Variants in NUMB observed in about 807,000 individuals in gnomAD.
The protein encoded by NUMB is protein numb homolog.
NUMB carries 29 observed loss-of-function variants against 59.7 expected under a neutral mutation model. That is an observed-to-expected ratio of 0.49 (90% confidence interval 0.36 to 0.66). The LOEUF (loss-of-function observed/expected upper bound fraction) is 0.66. Among genes scored for constraint, NUMB ranks in the 30% least tolerant of loss-of-function variants. The pLI is 0.00. For synonymous variants in NUMB, 288 were observed against 288.2 expected (o/e 1.00, Z 0.01); for missense variants, 723 against 822.0 (o/e 0.88, Z 1.47).
chr14:73,392,749 T>G (rs1324917449), intron 2 of NUMB, among the ~76,000 whole-genome samples: 1 of 152,208 alleles, frequency 6.6e-6, no homozygotes, highest in Non-Finnish European at 1.5e-5. Flanking sequence ...GACACCATGA[T>G]AACATCTAGC....
At position 73,398,806 on chromosome 14, in the gene NUMB, C is replaced by T. The variant is rs142745890; in HGVS notation, c.-101+11131G>A. Among the ~76,000 whole-genome samples the T allele has an allele frequency of 5.7e-4, 86 of 151,804 alleles. 1 individual carries two copies. The highest frequency in any genetic ancestry group is 7.0e-4 in the African/African-American group (29 of 41,404). On this transcript the variant is annotated intron_variant, in intron 2 of 12. Transcript: ENST00000555238. ...ACTGGTGGGAGCATAAACTGGGTAG[C>T]CATTCTAAAAAACAACTTGGCAATA...
intron 1 of NUMB, among the ~76,000 whole-genome samples, chr14:73,420,423 T>C (rs1019737859): frequency 4.6e-5 from 7 of 152,182 alleles, no homozygotes; most frequent in African/African-American, 1.7e-4. Flanking sequence ...ATCACATGTA[T>C]AAGGGTGACT....
intron 12 of NUMB, 65 bp downstream of exon 12, chr14:73,279,216 G>A: frequency 6.3e-7 from 1 of 1,591,402 alleles, no homozygotes; most frequent in Non-Finnish European, 8.6e-7. Flanking sequence ...CTAACTGGCT[G>A]AGTTTTAGAA....
chr14:73,287,954 G>A (rs1889126365), intron 8 of NUMB, among the ~76,000 whole-genome samples: 1 of 152,164 alleles, frequency 6.6e-6, no homozygotes, highest in Non-Finnish European at 1.5e-5. Flanking sequence ...TGACATGCAA[G>A]CTTCTAGTTG....
rs926938839 is a variant in NUMB, at chr14:73,284,138, T to C, written c.892A>G (p.Ile298Val). The C allele has an allele frequency of 1.9e-6, 3 of 1,614,202 alleles. No individual in the cohort carries two copies. Among genetic ancestry groups the C allele is most frequent in the Non-Finnish European group, 2.5e-6 (3 of 1,180,034 alleles). Residue 298 changes from isoleucine (I) to valine (V), a missense_variant, in exon 10 of 13, where the codon ATC becomes GTC. Ile to Val is a conservative substitution (Grantham distance 29, BLOSUM62 3). Transcript: ENST00000555238. ...SPFKRQLSLRINELPSTMQRK... is the reference protein window; with the variant it reads ...SPFKRQLSLRVNELPSTMQRK... ...TGCATAGTGGAAGGCAACTCATTGA[T>C]GCGTAGGGATAGTTGGCGTTTAAAG...
rs1394566951 is a variant in NUMB at position 73,297,226 on chromosome 14, C to G, written c.294G>C (p.Val98=). Reference sequence around the variant, plus strand: ...AGAATCTTACCTTAGTTTTTTCATCCACAACTCTGAGTCCATCTGCTGAGA... The same window carrying G: ...AGAATCTTACCTTAGTTTTTTCATCGACAACTCTGAGTCCATCTGCTGAGA... The part of the protein sequence containing the change: ...LWVSADGLRV[V]DEKTKDLIVD... The change falls in exon 7 of 13, where the codon GTG becomes GTC. Residue 98 remains valine, a synonymous_variant. Coordinates refer to ENST00000555238, the MANE Select transcript of NUMB (RefSeq NM_001005743.2). The G allele has an allele frequency of 1.2e-6, 2 of 1,603,344 alleles. No individual in the cohort carries two copies. Among genetic ancestry groups the G allele is most frequent in the Non-Finnish European group, 8.5e-7 (1 of 1,171,750 alleles).
intron 6 of NUMB, among the ~76,000 whole-genome samples, chr14:73,305,396 TTTTC>T (rs1020289095): frequency 6.6e-6 from 1 of 151,932 alleles, no homozygotes; most frequent in African/African-American, 2.4e-5. Context: ...CCCGAATTCA[TTTTC>T]TTTTTTTTTT....
chr14:73,287,395 T>G, intron 8 of NUMB, 81 bp from the exon 9 acceptor site: 1 of 1,259,940 alleles, frequency 7.9e-7, no homozygotes, highest in Non-Finnish European at 1.1e-6. Flanking sequence ...TTTGTTTTGT[T>G]TTTGAGACAG....
chr14:73,444,518 C>G (rs1883322113), intron 1 of NUMB, among the ~76,000 whole-genome samples: 1 of 151,908 alleles, frequency 6.6e-6, no homozygotes. Flanking sequence ...TGAATTGAGG[C>G]AAGCCTTTAA....
intron 4 of NUMB, among the ~76,000 whole-genome samples, chr14:73,332,053 G>A (rs951081130): frequency 2.0e-5 from 3 of 151,882 alleles, no homozygotes; most frequent in African/African-American, 7.3e-5. Context: ...TTTTTTCTAG[G>A]AGGCTCCTTT....
chr14:73,427,788 T>A (rs10146827), intron 1 of NUMB, among the ~76,000 whole-genome samples: 2 of 152,006 alleles, frequency 1.3e-5, no homozygotes, highest in African/African-American at 4.8e-5. Flanking sequence ...TAAGATAAAC[T>A]CTTAAGCAGT....
rs565180073 is a variant in NUMB at position 73,285,935 on chromosome 14, A to C, written c.655+1175T>G. On this transcript the variant is annotated intron_variant, in intron 9 of 12. Coordinates refer to ENST00000555238, the MANE Select transcript of NUMB (RefSeq NM_001005743.2). Reference sequence around the variant, plus strand: ...AACTACACTCTGTCTCAAAAAAAAAAAAAACACCGAAATCAAACCAAAACA... The same window carrying C: ...AACTACACTCTGTCTCAAAAAAAAACAAAACACCGAAATCAAACCAAAACA... 5.1e-3 allele frequency among the ~76,000 whole-genome samples: 774 copies of C among 151,762 alleles called. 9 individuals are homozygous for C. Among genetic ancestry groups the C allele is most frequent in the African/African-American group, 0.018 (729 of 41,398 alleles).
intron 3 of NUMB, among the ~76,000 whole-genome samples, chr14:73,361,944 T>C (rs1403531282): frequency 6.6e-6 from 1 of 152,068 alleles, no homozygotes; most frequent in Non-Finnish European, 1.5e-5. Context: ...TGTACCACTA[T>C]TTTATGTTCC....
chr14:73,313,919 T>C (rs1890931312), intron 6 of NUMB, among the ~76,000 whole-genome samples: 2 of 152,180 alleles, frequency 1.3e-5, no homozygotes, highest in African/African-American at 2.4e-5. Context: ...GCAATTCTCC[T>C]GCCTCAGCCT....
intron 6 of NUMB, among the ~76,000 whole-genome samples, chr14:73,311,877 A>G (rs1198329700): frequency 1.3e-5 from 2 of 152,180 alleles, no homozygotes; most frequent in Non-Finnish European, 2.9e-5. Context: ...TCACCAGTCT[A>G]TTTCTCGTAG....
intron 1 of NUMB, among the ~76,000 whole-genome samples, chr14:73,413,714 C>CGCCACTGCCCAGACCGT (rs1445111109): frequency 6.6e-6 from 1 of 151,782 alleles, no homozygotes; most frequent in East Asian, 2.0e-4. Flanking sequence ...GCAGAGATTG[C>CGCCACTGCCCAGACCGT]GCCACTGCCC....
chr14:73,340,770 T>C (rs1489190344), intron 4 of NUMB, among the ~76,000 whole-genome samples: 1 of 152,248 alleles, frequency 6.6e-6, no homozygotes, highest in Non-Finnish European at 1.5e-5. Flanking sequence ...ATTTAATTAA[T>C]GGCTATAGGA....
chr14:73,432,135 T>C (rs1338894520), intron 1 of NUMB, among the ~76,000 whole-genome samples: 1 of 152,030 alleles, frequency 6.6e-6, no homozygotes, highest in Non-Finnish European at 1.5e-5. Flanking sequence ...CAATCAAATC[T>C]CCAAAGAGTA....
intron 1 of NUMB, among the ~76,000 whole-genome samples, chr14:73,448,844 G>A (rs1181197947): frequency 6.6e-6 from 1 of 151,996 alleles, no homozygotes; most frequent in Non-Finnish European, 1.5e-5. Flanking sequence ...TCACATCTTG[G>A]TATCTGAGGG....
Sources: gnomAD v4.1 joint callset for allele counts (sites outside exome capture counted in the v4.1 genomes callset) on GRCh38, gnomAD v4.1.1 for gene constraint, MANE v1.5 for transcripts, NCBI Gene and HGNC (gene_info 2026-07-23, HGNC 2026-07-21) for gene names.